Variants in MDGA2 observed in about 807,000 individuals in gnomAD.
The protein encoded by MDGA2 is MAM domain-containing glycosylphosphatidylinositol anchor protein 2.
MDGA2 carries 40 observed loss-of-function variants against 117.8 expected under a neutral mutation model. That is an observed-to-expected ratio of 0.34 (90% confidence interval 0.26 to 0.44). MDGA2 has a LOEUF of 0.44. Ranked by LOEUF, MDGA2 falls within the 20% of genes least tolerant of loss-of-function variation. The pLI is 1.00. For synonymous variants in MDGA2, 452 were observed against 439.0 expected, an observed-to-expected ratio of 1.03 and a Z score of -0.37; for missense variants, 1,123 against 1,250.6, an observed-to-expected ratio of 0.90 and a Z score of 1.54.
intron 1 of MDGA2, among the ~76,000 whole-genome samples, chr14:47,391,468 C>T (rs1379832731): frequency 3.3e-5 from 5 of 152,144 alleles, no homozygotes; most frequent in Non-Finnish European, 7.4e-5. Flanking sequence ...GAAAGTCAGA[C>T]ACAATATAAT....
At chr14:47,367,995 T>C (rs919578715) in intron 1 of MDGA2, among the ~76,000 whole-genome samples, 12 of 152,110 alleles carry the variant, frequency 7.9e-5, no homozygotes, top group African/African-American at 2.9e-4. Flanking sequence ...AAAAGAAAGA[T>C]ATGGCCGGGC....
At chr14:47,029,091 TAAC>T in intron 8 of MDGA2, among the ~76,000 whole-genome samples, 1 of 152,300 alleles carries the variant, frequency 6.6e-6, no homozygotes, top group East Asian at 1.9e-4. Flanking sequence ...GTAACTCATC[TAAC>T]AATAGTGAAC....
intron 1 of MDGA2, among the ~76,000 whole-genome samples, chr14:47,439,315 T>C (rs533486680): frequency 1.3e-5 from 2 of 152,234 alleles, no homozygotes; most frequent in East Asian, 1.9e-4. Flanking sequence ...GTAAGATATG[T>C]TTTGTGCCTC....
chr14:46,990,361 A>C (rs1287065277), intron 8 of MDGA2, among the ~76,000 whole-genome samples: 1 of 152,050 alleles, frequency 6.6e-6, no homozygotes, highest in Non-Finnish European at 1.5e-5. Context: ...AAATTACTAG[A>C]TATAAATCAT....
At chr14:47,610,433 A>G (rs1896826429) in intron 1 of MDGA2, among the ~76,000 whole-genome samples, 1 of 152,064 alleles carries the variant, frequency 6.6e-6, no homozygotes, top group African/African-American at 2.4e-5. Context: ...TCTTCCAGAA[A>G]GCTCCTAGAA....
chr14:47,335,745 T>TATATATATATATATATACACATAC lies in MDGA2; in HGVS notation c.281-34196_281-34195insGTATGTGTATATATATATATATAT. On this transcript the variant is annotated intron_variant, in intron 1 of 16. Coordinates refer to ENST00000399232, the MANE Select transcript of MDGA2 (RefSeq NM_001113498.3). ...TGCACACATATATTTTATATATATA[T>TATATATATATATATATACACATAC]ATACATACATACATACAGGATCACT... 5.3e-4 allele frequency among the ~76,000 whole-genome samples: 51 copies of TATATATATATATATATACACATAC among 95,572 alleles called. 5 individuals carry two copies. The highest frequency in any genetic ancestry group is 5.3e-3 in the South Asian group (14 of 2,652). 62.7% of individuals were successfully genotyped at this position (95,572 alleles called of 152,430 possible). A position where few individuals can be genotyped will look rare whatever the true frequency, so the allele number is the denominator to read the frequency against.
In MDGA2 at chr14:47,675,122, C is replaced by G. The variant is rs1898158566; in HGVS notation, c.-326G>C. 6.6e-6 allele frequency among the ~76,000 whole-genome samples: 1 copy of G among 151,922 alleles called. No individual in the cohort carries two copies. Among genetic ancestry groups the G allele is most frequent in the African/African-American group, 2.4e-5 (1 of 41,418 alleles). On this transcript the variant is annotated 5_prime_UTR_variant, in exon 1 of 17. Transcript: ENST00000399232. Reference sequence around the variant, plus strand: ...CTGACCCAGGACACCGAGCAGGGCTCTCTTGCCTGGATTCGCCTTTACAAA... The same window carrying G: ...CTGACCCAGGACACCGAGCAGGGCTGTCTTGCCTGGATTCGCCTTTACAAA...
intron 6 of MDGA2, among the ~76,000 whole-genome samples, chr14:47,067,106 ACTC>A (rs1474230123): frequency 1.3e-5 from 2 of 152,172 alleles, no homozygotes; most frequent in African/African-American, 4.8e-5. Flanking sequence ...CAAGAGCAAA[ACTC>A]CACCACAAAC....
intron 1 of MDGA2, among the ~76,000 whole-genome samples, chr14:47,609,819 A>G (rs1482459431): frequency 1.3e-5 from 2 of 151,908 alleles, no homozygotes; most frequent in African/African-American, 4.8e-5. Flanking sequence ...TCCTATTGAC[A>G]CTATTCCACA....
intron 5 of MDGA2, among the ~76,000 whole-genome samples, chr14:47,124,579 G>A (rs1288381771): frequency 1.3e-5 from 2 of 152,010 alleles, no homozygotes; most frequent in African/African-American, 2.4e-5. Context: ...AGTAATTTGG[G>A]AGTATTATAG....
rs1253490393 is a variant in MDGA2, at chr14:46,957,904, C to T, written c.1820-261G>A. ...TACTAGAGCTGACTGATCCTTCGTACCTCTTTCAGCAAATATTTTTAAACT... is the reference window on the plus strand; with the variant it reads ...TACTAGAGCTGACTGATCCTTCGTATCTCTTTCAGCAAATATTTTTAAACT... On this transcript the variant is annotated intron_variant, in intron 8 of 16. Transcript: ENST00000399232. Among the ~76,000 whole-genome samples the T allele has an allele frequency of 2.0e-5, 3 of 152,204 alleles. No individual in the cohort carries two copies. The East Asian group carries it at 5.8e-4, about 29-fold the overall frequency.
intron 3 of MDGA2, among the ~76,000 whole-genome samples, chr14:47,182,347 G>A (rs1884742161): frequency 6.6e-6 from 1 of 151,942 alleles, no homozygotes; most frequent in Non-Finnish European, 1.5e-5. Flanking sequence ...CCCCCAATGT[G>A]GCTTTATTTG....
chr14:47,112,699 C>T (rs1406427274), intron 5 of MDGA2, among the ~76,000 whole-genome samples: 1 of 152,138 alleles, frequency 6.6e-6, no homozygotes, highest in Non-Finnish European at 1.5e-5. Context: ...CTGCAATGAA[C>T]ATATGTGTGC....
chr14:47,585,760 T>C (rs1227768212), intron 1 of MDGA2, among the ~76,000 whole-genome samples: 1 of 151,960 alleles, frequency 6.6e-6, no homozygotes, highest in Non-Finnish European at 1.5e-5. Context: ...CCTTCCCTTA[T>C]ACATAAATAT....
chr14:46,907,992 AAG>A (rs1480709898), intron 10 of MDGA2, among the ~76,000 whole-genome samples: 2 of 152,192 alleles, frequency 1.3e-5, no homozygotes, highest in African/African-American at 4.8e-5. Context: ...AGGCAACAAA[AAG>A]AGTTGCAGGC....
chr14:47,462,471 T>C lies in MDGA2; in HGVS notation c.281-160921A>G, dbSNP rs2138594892. Among the ~76,000 whole-genome samples the C allele has an allele frequency of 1.3e-5, 2 of 152,248 alleles. 1 individual carries two copies. The highest frequency in any genetic ancestry group is 2.9e-5 in the Non-Finnish European group (2 of 68,014). On this transcript the variant is annotated intron_variant, in intron 1 of 16. Transcript: ENST00000399232. ...CACAAAGGTTGGTAACTAGGAATGATGGAAACAGACAAAAAGAATAACTGC... is the reference window on the plus strand; with the variant it reads ...CACAAAGGTTGGTAACTAGGAATGACGGAAACAGACAAAAAGAATAACTGC...
At chr14:47,051,603 G>A (rs986793492) in intron 7 of MDGA2, among the ~76,000 whole-genome samples, 1 of 151,840 alleles carries the variant, frequency 6.6e-6, no homozygotes, top group Non-Finnish European at 1.5e-5. Context: ...CATAGTTCTA[G>A]CTATTTGGAA....
chr14:47,308,230 T>C (rs1889519735), intron 1 of MDGA2, among the ~76,000 whole-genome samples: 1 of 152,096 alleles, frequency 6.6e-6, no homozygotes, highest in Non-Finnish European at 1.5e-5. Flanking sequence ...TTGAAGCAAA[T>C]AGTAAAACCG....
chr14:47,447,330 G>A (rs1346694577), intron 1 of MDGA2, among the ~76,000 whole-genome samples: 1 of 152,072 alleles, frequency 6.6e-6, no homozygotes, highest in Non-Finnish European at 1.5e-5. Flanking sequence ...CTGCTTCCTG[G>A]CCACAGTTTC....
Sources: gnomAD v4.1 joint callset for allele counts (sites outside exome capture counted in the v4.1 genomes callset) on GRCh38, gnomAD v4.1.1 for gene constraint, MANE v1.5 for transcripts, NCBI Gene and HGNC (gene_info 2026-07-23, HGNC 2026-07-21) for gene names.